Variants in RAD51B observed in about 807,000 individuals in gnomAD.
RAD51B encodes RAD51 paralog B.
RAD51B carries 38 observed loss-of-function variants against 42.2 expected under a neutral mutation model. The ratio of observed to expected loss-of-function variants is 0.90; its 90% confidence interval spans 0.70 to 1.18. RAD51B has a LOEUF of 1.18. RAD51B is among the 50% of genes most tolerant of loss of function. The pLI, the probability that RAD51B is intolerant of heterozygous loss-of-function variation, is 0.00. For missense variants in RAD51B, 373 were observed against 400.7 expected (o/e 0.93, Z 0.59); for synonymous variants, 154 against 145.2 (o/e 1.06, Z -0.43).
chr14:68,223,169 T>C (rs1204147540), intron 7 of RAD51B, among the ~76,000 whole-genome samples: 2 of 152,250 alleles, frequency 1.3e-5, no homozygotes, highest in African/African-American at 4.8e-5. Flanking sequence ...TTTTGAGGCG[T>C]AGAAACTTTC....
chr14:68,583,535 C>T (rs1010301336), intron 10 of RAD51B, among the ~76,000 whole-genome samples: 3 of 152,208 alleles, frequency 2.0e-5, no homozygotes, highest in Non-Finnish European at 4.4e-5. Context: ...GAAGGCCAAC[C>T]TTGAATTTAG....
rs1418981829 is a variant in RAD51B, at chr14:67,940,039, T to C, written c.756+52835T>C. Reference sequence around the variant, plus strand: ...TGATAGATGCATATATATATATATATATATATATATATATATTTTTTTTTT... The same window carrying C: ...TGATAGATGCATATATATATATATACATATATATATATATATTTTTTTTTT... On this transcript the variant is annotated intron_variant, in intron 7 of 10. Coordinates refer to ENST00000471583, the MANE Select transcript of RAD51B (RefSeq NM_133510.4). 4.6e-3 allele frequency among the ~76,000 whole-genome samples: 57 copies of C among 12,406 alleles called. 2 individuals are homozygous for C. Among genetic ancestry groups the C allele is most frequent in the East Asian group, 0.027 (15 of 552 alleles). The allele number at this position is 12,406 out of a possible 152,430, so 8.1% of individuals were successfully genotyped here.
chr14:68,206,360 AAT>A (rs1288368294), intron 7 of RAD51B, among the ~76,000 whole-genome samples: 1 of 152,200 alleles, frequency 6.6e-6, no homozygotes, highest in Non-Finnish European at 1.5e-5. Context: ...GTGGGAAACA[AAT>A]AGCTTGCTCT....
intron 11 of RAD51B, among the ~76,000 whole-genome samples, chr14:68,675,734 G>A (rs1260313129): frequency 1.3e-5 from 2 of 152,222 alleles, no homozygotes; most frequent in Admixed American, 1.3e-4. Flanking sequence ...CACAGACACT[G>A]TGCCATTGCC....
At chr14:67,937,895 C>CT (rs1175318575) in intron 7 of RAD51B, among the ~76,000 whole-genome samples, 18 of 150,118 alleles carry the variant, frequency 1.2e-4, no homozygotes, top group Admixed American at 1.0e-3. Flanking sequence ...AGGTAAGTAA[C>CT]TTTTTTTTTT....
intron 7 of RAD51B, among the ~76,000 whole-genome samples, chr14:68,258,214 C>CT (rs1249803334): frequency 6.6e-6 from 1 of 152,014 alleles, no homozygotes; most frequent in Non-Finnish European, 1.5e-5. Flanking sequence ...CCAGCCTGGG[C>CT]AATATAGTGA....
chr14:68,453,045 G>A (rs1192458067), intron 9 of RAD51B, among the ~76,000 whole-genome samples: 2 of 152,064 alleles, frequency 1.3e-5, no homozygotes, highest in Admixed American at 6.6e-5. Context: ...ATTCACATGT[G>A]GGATGTGTGT....
At chr14:68,501,998 G>T (rs376068054) in intron 10 of RAD51B, among the ~76,000 whole-genome samples, 5 of 152,174 alleles carry the variant, frequency 3.3e-5, no homozygotes, top group Non-Finnish European at 5.9e-5. Flanking sequence ...ATGCTGATTC[G>T]CCAGGTGCCT....
chr14:68,540,667 A>T lies in RAD51B; in HGVS notation c.1037-53818A>T, dbSNP rs78833361. 5.7e-4 allele frequency: 566 copies of T among 985,424 alleles called. 2 individuals carry two copies. In the African/African-American group the frequency reaches 9.2e-3, roughly 16 times the overall value. 61.0% of individuals were successfully genotyped at this position (985,424 alleles called of 1,614,324 possible). A position where few individuals can be genotyped will look rare whatever the true frequency, so the allele number is the denominator to read the frequency against. On this transcript the variant is annotated intron_variant, in intron 10 of 10. Transcript: ENST00000487270. The stretch of plus-strand genomic sequence containing the variant: ...CCTGAAACAATTAGAGAAACACACA[A>T]GGGGACCCTAATTGAATGTGAATCT...
At chr14:67,918,476 T>A (rs1324592102) in intron 7 of RAD51B, among the ~76,000 whole-genome samples, 1 of 152,136 alleles carries the variant, frequency 6.6e-6, no homozygotes, top group African/African-American at 2.4e-5. Flanking sequence ...CTCAGTTGAT[T>A]CATCTGCCTC....
chr14:68,548,541 C>A (rs1482797655), intron 10 of RAD51B, among the ~76,000 whole-genome samples: 1 of 152,236 alleles, frequency 6.6e-6, no homozygotes, highest in South Asian at 2.1e-4. Context: ...CCTCTGTGCA[C>A]GCCTCTTCTC....
intron 7 of RAD51B, among the ~76,000 whole-genome samples, chr14:68,015,062 C>A (rs1021565508): frequency 2.6e-5 from 4 of 152,070 alleles, no homozygotes; most frequent in Admixed American, 2.6e-4. Flanking sequence ...CAATCTTGGT[C>A]CAGTTACTTA....
chr14:67,979,600 T>G (rs2075054365), intron 7 of RAD51B, among the ~76,000 whole-genome samples: 1 of 152,182 alleles, frequency 6.6e-6, no homozygotes, highest in Non-Finnish European at 1.5e-5. Flanking sequence ...TTCTCCCAAA[T>G]CTGATTTATA....
At chr14:68,425,401 G>A (rs1485604791) in intron 9 of RAD51B, among the ~76,000 whole-genome samples, 14 of 152,218 alleles carry the variant, frequency 9.2e-5, no homozygotes, top group Admixed American at 8.5e-4. Flanking sequence ...CAGCCCATGA[G>A]GGCCCTGCCC....
intron 8 of RAD51B, among the ~76,000 whole-genome samples, chr14:68,357,647 G>A (rs2082936900): frequency 6.6e-6 from 1 of 152,062 alleles, no homozygotes; most frequent in Admixed American, 6.6e-5. Flanking sequence ...GCCGCAGCAG[G>A]CATGAAAACA....
At chr14:68,591,657 T>C (rs1890746867) in intron 10 of RAD51B, among the ~76,000 whole-genome samples, 2 of 152,070 alleles carry the variant, frequency 1.3e-5, no homozygotes, top group Non-Finnish European at 2.9e-5. Flanking sequence ...GTTGCTTCTT[T>C]TCATTTTTGT....
chr14:67,916,699 C>T (rs1203563830), intron 7 of RAD51B, among the ~76,000 whole-genome samples: 3 of 152,090 alleles, frequency 2.0e-5, no homozygotes, highest in Admixed American at 6.5e-5. Context: ...GAGTTCTAAC[C>T]AAATTTTTCA....
chr14:68,034,403 C>T (rs976778457), intron 7 of RAD51B, among the ~76,000 whole-genome samples: 1 of 152,022 alleles, frequency 6.6e-6, no homozygotes, highest in Non-Finnish European at 1.5e-5. Flanking sequence ...TCCTGAGTAG[C>T]TGGGACTACA....
chr14:68,481,307 C>T (rs1044605478), downstream of RAD51B, among the ~76,000 whole-genome samples: 4 of 152,008 alleles, frequency 2.6e-5, no homozygotes, highest in Admixed American at 6.5e-5. Flanking sequence ...ACATTGTTCA[C>T]ACATTAAAAT....
Sources: allele counts gnomAD v4.1 joint callset (sites outside exome capture counted in the v4.1 genomes callset), GRCh38; gene constraint gnomAD v4.1.1; transcripts MANE v1.5; gene names NCBI Gene and HGNC (gene_info 2026-07-23, HGNC 2026-07-21).